Variants in CERT1 observed in about 807,000 individuals in gnomAD.
CERT1 encodes ceramide transporter 1.
A neutral mutation model predicts 87.9 loss-of-function variants in CERT1; 31 were observed. The observed-to-expected ratio is 0.35, with a 90% CI of 0.27 to 0.48. The LOEUF is 0.48. CERT1 is among the 20% of genes least tolerant of loss of function. CERT1 has a pLI of 0.99. For missense variants in CERT1, 487 were observed against 758.0 expected (o/e 0.64, Z 4.20); for synonymous variants, 289 against 250.9 (o/e 1.15, Z -1.44).
chr5:75,500,021 C>T (rs1767272977), intron 2 of CERT1, among the ~76,000 whole-genome samples: 3 of 152,100 alleles, frequency 2.0e-5, no homozygotes, highest in Non-Finnish European at 4.4e-5. Context: ...GACTGGTGTC[C>T]TGATAAATAG....
chr5:75,399,335 T>G lies in CERT1; in HGVS notation c.1163A>C (p.Asp388Ala), dbSNP rs767038085. Residue 388 changes from aspartate to alanine, a missense_variant, in exon 11 of 17, where the codon GAT (aspartate) becomes GCT (alanine). Physicochemically the swap from Asp to Ala is moderately radical, Grantham distance 126. Coordinates refer to ENST00000643780, the MANE Select transcript of CERT1 (RefSeq NM_001379029.1). ...MSSIDLVSASDDVHRFSSQVE... is the reference protein window; with the variant it reads ...MSSIDLVSASADVHRFSSQVE... ...CTGGGAGCTGAATCTGTGAACATCATCAGAGGCACTGACTAGATCAATGGA... is the reference window on the plus strand; with the variant it reads ...CTGGGAGCTGAATCTGTGAACATCAGCAGAGGCACTGACTAGATCAATGGA... The G allele has an allele frequency of 2.5e-6, 4 of 1,612,874 alleles. No individual in the cohort carries two copies. The highest frequency in any genetic ancestry group is 3.4e-6 in the Non-Finnish European group (4 of 1,179,108).
chr5:75,489,101 C>T (rs1441157773), intron 2 of CERT1, among the ~76,000 whole-genome samples: 1 of 152,164 alleles, frequency 6.6e-6, no homozygotes. Flanking sequence ...CACACATCTA[C>T]AAACATCTGA....
At chr5:75,413,424 A>G (rs894092255) in intron 7 of CERT1, among the ~76,000 whole-genome samples, 2 of 152,232 alleles carry the variant, frequency 1.3e-5, no homozygotes, top group African/African-American at 4.8e-5. Flanking sequence ...TTTGTGTACT[A>G]AAGAGAAAAT....
chr5:75,481,065 C>T (rs1442847414), intron 2 of CERT1, among the ~76,000 whole-genome samples: 3 of 152,178 alleles, frequency 2.0e-5, no homozygotes, highest in South Asian at 2.1e-4. Context: ...CTTCCCATCT[C>T]GCTCAGCATT....
chr5:75,429,139 G>A (rs1763756462), intron 3 of CERT1, among the ~76,000 whole-genome samples: 1 of 149,336 alleles, frequency 6.7e-6, no homozygotes, highest in South Asian at 2.1e-4. Flanking sequence ...TAAAATTCAG[G>A]TTATCTGGGA....
At chr5:75,490,917 T>C (rs563925285) in intron 2 of CERT1, among the ~76,000 whole-genome samples, 1 of 152,296 alleles carries the variant, frequency 6.6e-6, no homozygotes, top group African/African-American at 2.4e-5. Flanking sequence ...TTCCCCTGGT[T>C]TTCACCCATT....
At chr5:75,457,803 C>G (rs1261349246) in intron 3 of CERT1, among the ~76,000 whole-genome samples, 1 of 149,528 alleles carries the variant, frequency 6.7e-6, no homozygotes, top group Non-Finnish European at 1.5e-5. Context: ...TAAAAATACC[C>G]AAAACAGTGC....
At chr5:75,507,980 C>T (rs1241402807) in intron 1 of CERT1, among the ~76,000 whole-genome samples, 1 of 152,104 alleles carries the variant, frequency 6.6e-6, no homozygotes, top group East Asian at 1.9e-4. Context: ...CCTTAGGAGA[C>T]TTAATAATTT....
chr5:75,454,578 T>A (rs890358647), intron 3 of CERT1, among the ~76,000 whole-genome samples: 2 of 152,072 alleles, frequency 1.3e-5, no homozygotes, highest in Non-Finnish European at 2.9e-5. Context: ...GAACATACAG[T>A]GCGGTGGTGT....
intron 11 of CERT1, among the ~76,000 whole-genome samples, chr5:75,398,110 G>C (rs2112073449): frequency 1.3e-5 from 2 of 152,278 alleles, no homozygotes; most frequent in East Asian, 3.9e-4. Flanking sequence ...GATGATTTCT[G>C]ATCCAGAATT....
chr5:75,459,537 G>C (rs2112312329), intron 2 of CERT1, among the ~76,000 whole-genome samples: 1 of 152,220 alleles, frequency 6.6e-6, no homozygotes, highest in South Asian at 2.1e-4. Context: ...CTATTGCCCA[G>C]GTTGGAGTGC....
chr5:75,377,366 C>T (rs1761362693), downstream of CERT1: 1 of 152,204 alleles, frequency 6.6e-6, no homozygotes, highest in Non-Finnish European at 1.5e-5. Context: ...CTAGCAGGGC[C>T]AGTAGTACCA....
chr5:75,494,503 TC>T (rs143487748), intron 2 of CERT1, among the ~76,000 whole-genome samples: 11,912 of 152,178 alleles, frequency 0.078, 561 homozygotes, highest in South Asian at 0.17. Flanking sequence ...TCCTCTACCC[TC>T]CAAGACCAGA....
chr5:75,392,782 A>C (rs1257628704), intron 11 of CERT1, among the ~76,000 whole-genome samples: 2 of 151,946 alleles, frequency 1.3e-5, no homozygotes, highest in African/African-American at 4.8e-5. Context: ...ATCCTGCCTA[A>C]CATGGTAAAA....
intron 11 of CERT1, among the ~76,000 whole-genome samples, chr5:75,391,286 T>C (rs961788528): frequency 1.3e-4 from 20 of 152,256 alleles, no homozygotes; most frequent in African/African-American, 4.3e-4. Context: ...TTATATGTGA[T>C]AGTGATGTTC....
chr5:75,389,700 G>C lies in CERT1; in HGVS notation c.1189-13C>G. ...CCATCTCTTCAACCTTGAGAAGGGA[G>C]GAAAAAGGCATGAGAATCCAAAAGG... On this transcript the variant is annotated splice_polypyrimidine_tract_variant and intron_variant, in intron 11 of 16. Transcript: ENST00000643780. 6.3e-7 allele frequency: 1 copy of C among 1,596,444 alleles called. No homozygotes were observed. Among genetic ancestry groups the C allele is most frequent in the South Asian group, 1.1e-5 (1 of 90,544 alleles).
intron 3 of CERT1, among the ~76,000 whole-genome samples, chr5:75,449,696 TTGG>T (rs74633651): frequency 0.12 from 18,404 of 151,724 alleles, 1,185 homozygotes; most frequent in South Asian, 0.22. Flanking sequence ...TCACCAACAC[TTGG>T]TGGTGGTGTT....
At chr5:75,383,204 G>A (rs1761656986) in intron 14 of CERT1, among the ~76,000 whole-genome samples, 1 of 151,972 alleles carries the variant, frequency 6.6e-6, no homozygotes, top group South Asian at 2.1e-4. Flanking sequence ...CACTGCGAAT[G>A]TAATGTGATT....
chr5:75,501,112 G>A (rs1192819542), intron 2 of CERT1, among the ~76,000 whole-genome samples: 2 of 151,766 alleles, frequency 1.3e-5, no homozygotes, highest in South Asian at 2.1e-4. Context: ...CTCCAAAGAA[G>A]CTGAGACTAC....
Sources: gnomAD v4.1 joint callset for allele counts (sites outside exome capture counted in the v4.1 genomes callset) on GRCh38, gnomAD v4.1.1 for gene constraint, MANE v1.5 for transcripts, NCBI Gene and HGNC (gene_info 2026-07-23, HGNC 2026-07-21) for gene names.